Variants in CFAP20DC observed in about 807,000 individuals in gnomAD.
CFAP20DC encodes the protein CFAP20 domain containing.
Under a neutral mutation model 101.7 loss-of-function variants are expected in CFAP20DC, and 84 were observed. The ratio of observed to expected loss-of-function variants is 0.83; its 90% CI spans 0.69 to 0.99. The LOEUF is 0.99. Among genes scored for constraint, CFAP20DC ranks in the 50% least tolerant of loss-of-function variants. The pLI is 0.00. For synonymous variants in CFAP20DC, 359 were observed against 351.2 expected (o/e 1.02, Z -0.25); for missense variants, 1,007 against 970.3 (o/e 1.04, Z -0.50).
rs1388667930 is a variant in CFAP20DC at position 58,821,723 on chromosome 3, G to T, written c.2175+9963C>A. 5.3e-5 allele frequency among the ~76,000 whole-genome samples: 8 copies of T among 151,406 alleles called. No individual in the cohort carries two copies. In the South Asian group the frequency reaches 1.0e-3, roughly 20 times the overall value. On this transcript the variant is annotated intron_variant, in intron 14 of 16. Transcript: ENST00000482387. Reference sequence around the variant, plus strand: ...GACTGTAAACTAGTTCAACCACTGTGGAAGTCAGTGTGGCGATTCCTCAGG... The same window carrying T: ...GACTGTAAACTAGTTCAACCACTGTTGAAGTCAGTGTGGCGATTCCTCAGG...
intron 15 of CFAP20DC, among the ~76,000 whole-genome samples, chr3:58,762,176 C>G (rs977678201): frequency 5.3e-5 from 8 of 152,062 alleles, no homozygotes; most frequent in African/African-American, 1.7e-4. Context: ...GAGTCTAAGT[C>G]TCTTTGTAGG....
chr3:58,930,621 C>G (rs779559599), intron 5 of CFAP20DC, among the ~76,000 whole-genome samples: 2 of 152,206 alleles, frequency 1.3e-5, no homozygotes, highest in Admixed American at 6.5e-5. Context: ...AACAGCAGCC[C>G]TCAGGACAGA....
chr3:58,798,630 C>G (rs2073433440), intron 15 of CFAP20DC, among the ~76,000 whole-genome samples: 2 of 152,180 alleles, frequency 1.3e-5, no homozygotes, highest in African/African-American at 4.8e-5. Context: ...GAAAGAAGTT[C>G]TACTGTGGGT....
At chr3:58,954,569 T>A (rs1382602397) in intron 4 of CFAP20DC, among the ~76,000 whole-genome samples, 1 of 152,208 alleles carries the variant, frequency 6.6e-6, no homozygotes, top group African/African-American at 2.4e-5. Context: ...ATATATATTA[T>A]ATGGCTGTGT....
At chr3:58,860,799 T>C (rs1243568113) in intron 12 of CFAP20DC, among the ~76,000 whole-genome samples, 1 of 152,148 alleles carries the variant, frequency 6.6e-6, no homozygotes, top group African/African-American at 2.4e-5. Context: ...TGCAATAATA[T>C]GAAAAGCACT....
intron 6 of CFAP20DC, among the ~76,000 whole-genome samples, chr3:58,911,494 T>C (rs1243172442): frequency 6.6e-6 from 1 of 152,152 alleles, no homozygotes; most frequent in African/African-American, 2.4e-5. Flanking sequence ...TGTAGGATGC[T>C]TGTAATGCTT....
intron 15 of CFAP20DC, among the ~76,000 whole-genome samples, chr3:58,759,753 G>A (rs1347672517): frequency 6.6e-6 from 1 of 152,120 alleles, no homozygotes; most frequent in Non-Finnish European, 1.5e-5. Flanking sequence ...TTCTACATAT[G>A]GCTAGCCAGT....
intron 5 of CFAP20DC, among the ~76,000 whole-genome samples, chr3:58,931,982 A>C (rs1347054166): frequency 6.6e-6 from 1 of 152,240 alleles, no homozygotes; most frequent in Non-Finnish European, 1.5e-5. Flanking sequence ...TCCGAGCTAC[A>C]GGAGGAAATT....
intron 15 of CFAP20DC, among the ~76,000 whole-genome samples, chr3:58,803,020 G>A (rs936530902): frequency 6.6e-6 from 1 of 152,058 alleles, no homozygotes; most frequent in African/African-American, 2.4e-5. Flanking sequence ...GGGGATATTG[G>A]TTATTCTGTT....
Position 59,047,357 on chromosome 3 carries a change from T to G in CFAP20DC, c.22-103A>C, listed in dbSNP as rs1699945541. On this transcript the variant is annotated intron_variant, in intron 1 of 16. Transcript: ENST00000482387. ...TCCCGGCATCTGTCAGTTAAGCTGA[T>G]CTGGGATGAAACATTCTCCCTGTTA... is the stretch of plus-strand genomic sequence containing the variant. The G allele has an allele frequency of 4.1e-6, 3 of 730,642 alleles. No individual in the cohort carries two copies. The East Asian group carries it at 8.1e-5, about 20-fold the overall frequency. The allele number at this position is 730,642 out of a possible 1,614,324, so 45.3% of individuals were successfully genotyped here.
chr3:58,765,295 C>G (rs543598417), intron 15 of CFAP20DC, among the ~76,000 whole-genome samples: 8 of 151,918 alleles, frequency 5.3e-5, no homozygotes, highest in Non-Finnish European at 8.8e-5. Context: ...CACACACACA[C>G]GCACACACAT....
chr3:58,860,190 A>G (rs932023645), intron 12 of CFAP20DC, among the ~76,000 whole-genome samples: 1 of 151,414 alleles, frequency 6.6e-6, no homozygotes, highest in Non-Finnish European at 1.5e-5. Flanking sequence ...AAAAAAAAAA[A>G]AAAAGAAAGA....
At chr3:58,790,929 G>T (rs1312794620) in intron 15 of CFAP20DC, among the ~76,000 whole-genome samples, 1 of 152,088 alleles carries the variant, frequency 6.6e-6, no homozygotes, top group Non-Finnish European at 1.5e-5. Context: ...AATTCAAGAG[G>T]TATTTTATGA....
chr3:58,867,027 A>T lies in CFAP20DC; in HGVS notation c.1136-339T>A, dbSNP rs190869871. Among the ~76,000 whole-genome samples the T allele has an allele frequency of 1.4e-3, 210 of 152,302 alleles. 1 individual carries two copies. The highest frequency in any genetic ancestry group is 0.014 in the Middle Eastern group (4 of 294). On this transcript the variant is annotated intron_variant, in intron 10 of 16. Transcript: ENST00000482387. The stretch of plus-strand genomic sequence containing the variant: ...CATGAAATGAAGTGAGTTTTCTTTA[A>T]ATTATAATTCTTACTAAATGGGACT...
At chr3:58,832,948 A>G (rs896478882) in intron 13 of CFAP20DC, among the ~76,000 whole-genome samples, 5 of 152,224 alleles carry the variant, frequency 3.3e-5, no homozygotes, top group African/African-American at 1.2e-4. Context: ...TTTCTTGTAC[A>G]TCTGGAAACA....
chr3:58,855,737 A>T (rs1222712411), intron 12 of CFAP20DC, among the ~76,000 whole-genome samples: 1 of 151,466 alleles, frequency 6.6e-6, no homozygotes, highest in Admixed American at 6.6e-5. Context: ...TCACAAGAAG[A>T]AAAAACTAAA....
At chr3:58,855,509 A>T (rs918527056) in intron 12 of CFAP20DC, among the ~76,000 whole-genome samples, 40 of 152,268 alleles carry the variant, frequency 2.6e-4, no homozygotes, top group African/African-American at 9.1e-4. Flanking sequence ...AGGACTATAA[A>T]TCATGCTGCT....
chr3:58,884,840 G>T, intron 6 of CFAP20DC, 131 bp from the exon 7 acceptor site: 1 of 726,156 alleles, frequency 1.4e-6, no homozygotes, highest in Non-Finnish European at 2.2e-6. Flanking sequence ...CAACCTTTCA[G>T]CCCTGATTTT....
chr3:58,739,679 AGACT>A (rs2067838450), downstream of CFAP20DC, among the ~76,000 whole-genome samples: 1 of 152,244 alleles, frequency 6.6e-6, no homozygotes, highest in African/African-American at 2.4e-5. Flanking sequence ...TAAGCAAGTT[AGACT>A]CTCTGGGTGT....
Sources: gnomAD v4.1 joint callset for allele counts (sites outside exome capture counted in the v4.1 genomes callset) on GRCh38, gnomAD v4.1.1 for gene constraint, MANE v1.5 for transcripts, NCBI Gene and HGNC (gene_info 2026-07-23, HGNC 2026-07-21) for gene names.